The following PALS1 variants were observed in gnomAD, a reference collection of about 807,000 sequenced individuals.
PALS1 encodes protein associated with LIN7 1, MAGUK p55 family member.
PALS1 carries 31 observed loss-of-function variants against 78.9 expected under a neutral mutation model. The ratio of observed to expected loss-of-function variants is 0.39; its 90% CI spans 0.30 to 0.53. The LOEUF (loss-of-function observed/expected upper bound fraction) is 0.53, where lower values mean the gene tolerates loss of function less well. Ranked by LOEUF, PALS1 falls within the 20% of genes least tolerant of loss-of-function variation. The pLI is 0.67. For synonymous variants in PALS1, 276 were observed against 270.9 expected (o/e 1.02, Z -0.18); for missense variants, 704 against 826.5 (o/e 0.85, Z 1.82).
intron 3 of PALS1, among the ~76,000 whole-genome samples, chr14:67,289,323 C>T (rs2084736392): frequency 6.6e-6 from 1 of 152,068 alleles, no homozygotes; most frequent in Non-Finnish European, 1.5e-5. Flanking sequence ...TGTCATTATT[C>T]TCTGAACAAT....
chr14:67,277,972 G>T (rs986075305), intron 2 of PALS1, among the ~76,000 whole-genome samples: 1 of 151,930 alleles, frequency 6.6e-6, no homozygotes, highest in South Asian at 2.1e-4. Context: ...AAGTTTTTGA[G>T]TGGTAACAGA....
chr14:67,296,458 G>A (rs2084851680), intron 4 of PALS1, among the ~76,000 whole-genome samples: 5 of 151,844 alleles, frequency 3.3e-5, no homozygotes, highest in South Asian at 2.1e-4. Flanking sequence ...AAAATTAGGC[G>A]GGTGTGGTGG....
At chr14:67,251,771 G>C (rs1327999756) in intron 1 of PALS1, among the ~76,000 whole-genome samples, 2 of 152,180 alleles carry the variant, frequency 1.3e-5, no homozygotes, top group Non-Finnish European at 2.9e-5. Context: ...GAATGAGGGT[G>C]ATAAGAGCAT....
chr14:67,293,984 C>T (rs540725653), intron 4 of PALS1, among the ~76,000 whole-genome samples: 2 of 152,080 alleles, frequency 1.3e-5, no homozygotes, highest in Non-Finnish European at 2.9e-5. Context: ...AAAGAAACAA[C>T]TTAGCTTAAA....
intron 1 of PALS1, among the ~76,000 whole-genome samples, chr14:67,269,484 C>G (rs1333393954): frequency 6.6e-6 from 1 of 152,050 alleles, no homozygotes; most frequent in African/African-American, 2.4e-5. Context: ...ATTTGACATT[C>G]CTAACAGCAC....
chr14:67,305,490 A>G (rs2084988788), intron 8 of PALS1, among the ~76,000 whole-genome samples: 1 of 152,176 alleles, frequency 6.6e-6, no homozygotes, highest in African/African-American at 2.4e-5. Flanking sequence ...TATGTTGCCC[A>G]GGCTAGTCTC....
chr14:67,286,645 C>T (rs1332093411), intron 3 of PALS1, among the ~76,000 whole-genome samples: 2 of 151,144 alleles, frequency 1.3e-5, no homozygotes. Flanking sequence ...CGCTTGAGCT[C>T]AGGAGTTGCA....
chr14:67,319,065 A>C (rs2085223531), intron 11 of PALS1, among the ~76,000 whole-genome samples: 1 of 152,136 alleles, frequency 6.6e-6, no homozygotes, highest in Non-Finnish European at 1.5e-5. Flanking sequence ...CTCAAAAAAA[A>C]AAAAAAAGTT....
chr14:67,277,287 G>T (rs995090168), intron 2 of PALS1, among the ~76,000 whole-genome samples: 5 of 152,110 alleles, frequency 3.3e-5, no homozygotes, highest in Admixed American at 2.6e-4. Context: ...ATGAAAGACA[G>T]AAAAATCTAC....
chr14:67,330,216 G>A (rs1249884616), intron 14 of PALS1, among the ~76,000 whole-genome samples: 1 of 150,026 alleles, frequency 6.7e-6, no homozygotes, highest in African/African-American at 2.4e-5. Context: ...TAAGTTGGAG[G>A]GCATTTGTCT....
chr14:67,296,925 G>C (rs1247572196), intron 4 of PALS1, among the ~76,000 whole-genome samples: 1 of 152,126 alleles, frequency 6.6e-6, no homozygotes, highest in Non-Finnish European at 1.5e-5. Flanking sequence ...AGAGTACTGG[G>C]ATTACAGGCG....
At chr14:67,328,129 T>A (rs1441910836) in intron 14 of PALS1, among the ~76,000 whole-genome samples, 2 of 152,216 alleles carry the variant, frequency 1.3e-5, no homozygotes, top group Non-Finnish European at 2.9e-5. Context: ...TTTCTCCACA[T>A]CCTCTCCAGC....
chr14:67,334,573 TTA>T lies in PALS1; in HGVS notation c.*1621_*1622del, dbSNP rs201934706. On this transcript the variant is annotated 3_prime_UTR_variant, in exon 15 of 15. Transcript: ENST00000261681. The stretch of plus-strand genomic sequence containing the variant: ...TTTTATTTGAACAAATGTAGACAGT[TTA>T]TATGTCGCCTTTTTCTGTTCAAATT... The T allele has an allele frequency of 0.012, 1,814 of 152,758 alleles. 19 individuals are homozygous for T. The highest frequency in any genetic ancestry group is 0.018 in the Non-Finnish European group (1,201 of 68,028). 9.5% of individuals were successfully genotyped at this position (152,758 alleles called of 1,614,324 possible). A position where few individuals can be genotyped will look rare whatever the true frequency, so the allele number is the denominator to read the frequency against.
intron 4 of PALS1, among the ~76,000 whole-genome samples, chr14:67,298,962 TATA>T (rs1213765472): frequency 6.6e-6 from 1 of 152,206 alleles, no homozygotes; most frequent in East Asian, 1.9e-4. Context: ...TTTTGCTTAG[TATA>T]ATGTTTTTGA....
At chr14:67,273,624 T>C (rs2084451121) in intron 2 of PALS1, among the ~76,000 whole-genome samples, 1 of 152,240 alleles carries the variant, frequency 6.6e-6, no homozygotes, top group East Asian at 1.9e-4. Flanking sequence ...TTATAATCCT[T>C]TGGGTATATA....
chr14:67,324,668 G>A (rs890256237), intron 14 of PALS1, among the ~76,000 whole-genome samples: 6 of 151,386 alleles, frequency 4.0e-5, no homozygotes, highest in East Asian at 3.9e-4. Flanking sequence ...CACTGCAGGC[G>A]CAGACTCTGG....
chr14:67,290,933 G>T (rs2084762249), intron 3 of PALS1, among the ~76,000 whole-genome samples: 2 of 152,170 alleles, frequency 1.3e-5, no homozygotes, highest in Admixed American at 1.3e-4. Flanking sequence ...AATTCTAGAT[G>T]AATTAAAATT....
In PALS1 at chr14:67,279,309, A is replaced by G; in HGVS notation, c.139A>G (p.Met47Val). ...CTGCCCTGGAGATTTGGGCACCAGG[A>G]TGATGCCAATACGTCGAAGTGCACA... Reference protein sequence around the residue: ...VDCPGDLGTRMMPIRRSAQLE... With the variant: ...VDCPGDLGTRVMPIRRSAQLE... Residue 47 changes from methionine to valine, a missense_variant, in exon 3 of 15, where the codon ATG becomes GTG. Met to Val is a conservative substitution (Grantham distance 21). Transcript: ENST00000261681. 6.2e-7 allele frequency: 1 copy of G among 1,614,008 alleles called. No homozygotes were observed. The highest frequency in any genetic ancestry group is 8.5e-7 in the Non-Finnish European group (1 of 1,179,964).
intron 1 of PALS1, among the ~76,000 whole-genome samples, chr14:67,265,425 G>A (rs538704749): frequency 2.7e-4 from 41 of 152,020 alleles, no homozygotes; most frequent in East Asian, 5.8e-4. Context: ...GGATGGTGGC[G>A]TGTGCCTGTA....
Sources: gnomAD v4.1 joint callset for allele counts (sites outside exome capture counted in the v4.1 genomes callset) on GRCh38, gnomAD v4.1.1 for gene constraint, MANE v1.5 for transcripts, NCBI Gene and HGNC (gene_info 2026-07-23, HGNC 2026-07-21) for gene names.